CLNK: variants seen among roughly 807,000 people sequenced by gnomAD.
The protein encoded by CLNK is cytokine-dependent hematopoietic cell linker.
CLNK carries 74 observed loss-of-function variants against 68.6 expected under a neutral mutation model. That is an observed-to-expected ratio of 1.08 (90% CI 0.89 to 1.31). The LOEUF is 1.31. Ranked by LOEUF, CLNK falls within the 50% of genes most tolerant of loss-of-function variation. CLNK has a pLI of 0.00. For synonymous variants in CLNK, 198 were observed against 172.2 expected, an observed-to-expected ratio of 1.15 and a Z score of -1.17; for missense variants, 553 against 515.3, an observed-to-expected ratio of 1.07 and a Z score of -0.71.
At chr4:10,634,949 G>A (rs1417101485) in intron 2 of CLNK, among the ~76,000 whole-genome samples, 1 of 152,178 alleles carries the variant, frequency 6.6e-6, no homozygotes, top group Non-Finnish European at 1.5e-5. Flanking sequence ...TTGAAGAGCA[G>A]GTGGGCATCC....
the CLNK span, among the ~76,000 whole-genome samples, chr4:10,705,434 C>T: frequency 1.3e-5 from 2 of 152,186 alleles, 1 homozygote; most frequent in African/African-American, 4.8e-5. Flanking sequence ...AAATGAGTCT[C>T]ACTGGGCTAA....
chr4:10,496,412 A>G lies in CLNK; in HGVS notation c.1140+4844T>C, dbSNP rs79866455. Among the ~76,000 whole-genome samples the G allele has an allele frequency of 4.2e-3, 635 of 152,274 alleles. 6 individuals carry two copies. Among genetic ancestry groups the G allele is most frequent in the African/African-American group, 0.014 (601 of 41,554 alleles). ...TCTTCCTCAGCAAGACAAAAGGCTCACGCTGTGAAAAGCATGAGGGAACTG... is the reference window on the plus strand; with the variant it reads ...TCTTCCTCAGCAAGACAAAAGGCTCGCGCTGTGAAAAGCATGAGGGAACTG... On this transcript the variant is annotated intron_variant, in intron 18 of 18. Coordinates refer to ENST00000226951, the MANE Select transcript of CLNK (RefSeq NM_052964.4).
chr4:10,635,452 A>G (rs1036014538), intron 2 of CLNK, among the ~76,000 whole-genome samples: 2 of 152,152 alleles, frequency 1.3e-5, no homozygotes, highest in South Asian at 4.1e-4. Flanking sequence ...GCCAAGAGAG[A>G]GGAGGCCTTT....
the CLNK span, among the ~76,000 whole-genome samples, chr4:10,728,577 A>G: frequency 1.4e-5 from 2 of 139,444 alleles, no homozygotes; most frequent in African/African-American, 5.3e-5. Flanking sequence ...TGTGTGATGT[A>G]TCCTTTCTTT....
At chr4:10,643,108 G>A (rs1000612951) in intron 2 of CLNK, among the ~76,000 whole-genome samples, 31 of 152,108 alleles carry the variant, frequency 2.0e-4, no homozygotes, top group African/African-American at 6.5e-4. Context: ...TGTGACCCTC[G>A]CCTTCACGTT....
intron 17 of CLNK, among the ~76,000 whole-genome samples, chr4:10,504,116 CTTTTTTTTT>C (rs10660433): frequency 3.0e-4 from 20 of 67,324 alleles, no homozygotes; most frequent in African/African-American, 9.7e-4. Flanking sequence ...TCTTTGGGTT[CTTTTTTTTT>C]TTTTTTTTTT....
At chr4:10,542,707 T>C (rs937000790) in intron 8 of CLNK, among the ~76,000 whole-genome samples, 1 of 151,036 alleles carries the variant, frequency 6.6e-6, no homozygotes, top group Admixed American at 6.6e-5. Context: ...TACAATTCAA[T>C]TTCCTGCCTA....
In CLNK at chr4:10,684,761, T is replaced by C. The variant is rs927497918; in HGVS notation, c.-136A>G. On this transcript the variant is annotated 5_prime_UTR_variant, in exon 1 of 19. Transcript: ENST00000226951. ...TGCAGAGACCTTGGGGCACTGGAAA[T>C]TAGTAAGGCGGTGGGTTGAATTCTT... is the stretch of plus-strand genomic sequence containing the variant. The C allele has an allele frequency of 1.4e-4, 21 of 152,108 alleles. No individual in the cohort carries two copies. The highest frequency in any genetic ancestry group is 3.6e-4 in the African/African-American group (15 of 41,396). 9.4% of individuals were successfully genotyped at this position (152,108 alleles called of 1,614,324 possible).
intron 1 of CLNK, among the ~76,000 whole-genome samples, chr4:10,676,042 GAA>G (rs1400257945): frequency 8.0e-6 from 1 of 124,362 alleles, no homozygotes; most frequent in East Asian, 2.4e-4. Context: ...AAGAGAGCCA[GAA>G]GAGTGTGTGT....
intron 4 of CLNK, among the ~76,000 whole-genome samples, chr4:10,581,413 A>G (rs557090442): frequency 4.3e-4 from 66 of 152,280 alleles, no homozygotes; most frequent in African/African-American, 1.6e-3. Flanking sequence ...TGGGTATTTC[A>G]GTTTATTCAC....
chr4:10,496,308 A>T (rs1311930089), intron 18 of CLNK, among the ~76,000 whole-genome samples: 1 of 152,336 alleles, frequency 6.6e-6, no homozygotes, highest in African/African-American at 2.4e-5. Flanking sequence ...AACCGTGGCT[A>T]AAGTAGCTAG....
At chr4:10,600,275 G>T (rs1273741057) in intron 2 of CLNK, among the ~76,000 whole-genome samples, 1 of 152,120 alleles carries the variant, frequency 6.6e-6, no homozygotes, top group Non-Finnish European at 1.5e-5. Context: ...CTTCCCTGCT[G>T]CTTCCGCTTT....
chr4:10,511,020 C>A (rs78596847), intron 16 of CLNK, among the ~76,000 whole-genome samples: 3,109 of 152,252 alleles, frequency 0.02, 95 homozygotes, highest in East Asian at 0.098. Flanking sequence ...TGAGTGGTGG[C>A]AACATGCCTG....
At chr4:10,559,927 T>G (rs1719820815) in intron 7 of CLNK, among the ~76,000 whole-genome samples, 1 of 152,198 alleles carries the variant, frequency 6.6e-6, no homozygotes, top group Admixed American at 6.5e-5. Context: ...TGTAGGATGC[T>G]TAGTAACATC....
chr4:10,663,666 T>C (rs1245570149), intron 2 of CLNK, among the ~76,000 whole-genome samples: 1 of 152,204 alleles, frequency 6.6e-6, no homozygotes, highest in East Asian at 1.9e-4. Context: ...TATTTCTATA[T>C]CATCCATTCA....
chr4:10,538,892 G>T (rs1438294810), intron 11 of CLNK, among the ~76,000 whole-genome samples: 5 of 152,112 alleles, frequency 3.3e-5, no homozygotes, highest in Non-Finnish European at 7.4e-5. Context: ...AAAATAGGTT[G>T]GTTAAAAATA....
rs114855792 is a variant in CLNK, at chr4:10,628,984, C to T, written c.12-30935G>A. Reference sequence around the variant, plus strand: ...GCTCTGAGGACCCAAAAGAGCTTGTCCCAGATAATTGCCTGTTCTTTAAGG... The same window carrying T: ...GCTCTGAGGACCCAAAAGAGCTTGTTCCAGATAATTGCCTGTTCTTTAAGG... On this transcript the variant is annotated intron_variant, in intron 2 of 18. Coordinates refer to ENST00000226951, the MANE Select transcript of CLNK (RefSeq NM_052964.4). Among the ~76,000 whole-genome samples, 886 of 152,288 alleles carry T rather than the reference C, an allele frequency of 5.8e-3. 3 individuals are homozygous for T. The highest frequency in any genetic ancestry group is 0.012 in the Admixed American group (178 of 15,306).
At chr4:10,637,074 TAAG>T (rs1723120107) in intron 2 of CLNK, among the ~76,000 whole-genome samples, 1 of 152,174 alleles carries the variant, frequency 6.6e-6, no homozygotes, top group Non-Finnish European at 1.5e-5. Context: ...CAGAGGCTGC[TAAG>T]AAGGACACGA....
intron 4 of CLNK, 106 bp from the exon 5 acceptor site, chr4:10,571,884 T>C (rs1186055558): frequency 8.7e-6 from 7 of 807,720 alleles, no homozygotes; most frequent in Middle Eastern, 2.3e-4. Flanking sequence ...TCAGTTTTAA[T>C]TAACTTACCT....
Sources: allele counts gnomAD v4.1 joint callset (sites outside exome capture counted in the v4.1 genomes callset), GRCh38; gene constraint gnomAD v4.1.1; transcripts MANE v1.5; gene names NCBI Gene and HGNC (gene_info 2026-07-23, HGNC 2026-07-21).